MATN3: variants seen among roughly 807,000 people sequenced by gnomAD.
MATN3 encodes matrilin 3, also known as matrilin-3.
In MATN3, 48 loss-of-function variants were observed where a neutral mutation model predicts 45.3. That is an observed-to-expected ratio of 1.06 (90% CI 0.84 to 1.35). MATN3 has a LOEUF of 1.35. Ranked by LOEUF, MATN3 falls within the 40% of genes most tolerant of loss-of-function variation. The pLI, the probability that MATN3 is intolerant of heterozygous loss-of-function variation, is 0.00. For synonymous variants in MATN3, 217 were observed against 245.9 expected (o/e 0.88, Z 1.10); for missense variants, 599 against 628.0 (o/e 0.95, Z 0.49).
In MATN3 at chr2:20,012,057, C is replaced by G. The variant is rs1229220626; in HGVS notation, c.223+352G>C. Among the ~76,000 whole-genome samples the G allele has an allele frequency of 4.6e-5, 7 of 152,174 alleles. No individual in the cohort carries two copies. The highest frequency in any genetic ancestry group is 1.7e-4 in the African/African-American group (7 of 41,438). Reference sequence around the variant, plus strand: ...GGAGAGATTCCAAGAGAACTAACAGCAGAGTCTCAGGAAGGGTTTGCTCAC... The same window carrying G: ...GGAGAGATTCCAAGAGAACTAACAGGAGAGTCTCAGGAAGGGTTTGCTCAC... On this transcript the variant is annotated intron_variant, in intron 1 of 7. Transcript: ENST00000407540. The surrounding 1 kb of genome is among the most constrained non-coding windows in gnomAD (Gnocchi z 4.3).
chr2:20,009,510 A>C (rs1673176872), intron 1 of MATN3, among the ~76,000 whole-genome samples: 1 of 152,132 alleles, frequency 6.6e-6, no homozygotes, highest in South Asian at 2.1e-4. Flanking sequence ...GGAGAGCATT[A>C]GGACAAATAC....
Position 20,000,524 on chromosome 2 carries a change from A to G in MATN3, c.1085T>C (p.Ile362Thr), listed in dbSNP as rs774005769. 1.1e-5 allele frequency: 18 copies of G among 1,612,290 alleles called. No individual in the cohort carries two copies. The highest frequency in any genetic ancestry group is 1.6e-4 in the Middle Eastern group (1 of 6,080). Residue 362 changes from isoleucine (I) to threonine (T), a missense_variant, in exon 5 of 8, where the codon ATT (isoleucine) becomes ACT (threonine). Ile to Thr is a moderately conservative substitution (Grantham distance 89). Coordinates refer to ENST00000407540, the MANE Select transcript of MATN3 (RefSeq NM_002381.5). ...CALGTHGCQHICVNDRTGSHH... is the reference protein window; with the variant it reads ...CALGTHGCQHTCVNDRTGSHH... The stretch of plus-strand genomic sequence containing the variant: ...GGACCCTGTTCTGTCATTCACACAA[A>G]TGTGCTGACACCCATGGGTACCCAA...
In MATN3 at chr2:20,005,993, G is replaced by C. The variant is rs201329777; in HGVS notation, c.541C>G (p.Arg181Gly). Residue 181 changes from arginine (R) to glycine (G), a missense_variant, in exon 2 of 8, where the codon CGA becomes GGA. Arg to Gly is a moderately radical substitution (Grantham distance 125). Transcript: ENST00000407540. Reference sequence around the variant, plus strand: ...TTAGGGATGTTAGAAGAGGGCTCTCGAGCCCCTGCCTCCACTGTGAAGGCT... The same window carrying C: ...TTAGGGATGTTAGAAGAGGGCTCTCCAGCCCCTGCCTCCACTGTGAAGGCT... ...DEAFTVEAGA[R>G]EPSSNIPKVA... is the part of the protein sequence containing the mutation. 9.3e-6 allele frequency: 15 copies of C among 1,613,812 alleles called. No homozygotes were observed. The East Asian group carries it at 2.9e-4, about 31-fold the overall frequency.
chr2:20,011,919 G>A (rs1019475416), intron 1 of MATN3, among the ~76,000 whole-genome samples: 1 of 152,190 alleles, frequency 6.6e-6, no homozygotes, highest in Non-Finnish European at 1.5e-5. Flanking sequence ...GGTATCCTAC[G>A]GCTCCTCGGA....
chr2:20,008,116 C>A (rs1673147952), intron 1 of MATN3, among the ~76,000 whole-genome samples: 3 of 152,138 alleles, frequency 2.0e-5, no homozygotes, highest in Non-Finnish European at 4.4e-5. Context: ...GTGTGCGCCA[C>A]CACACCCAGC....
At chr2:20,011,148 G>A (rs1416556996) in intron 1 of MATN3, among the ~76,000 whole-genome samples, 1 of 152,202 alleles carries the variant, frequency 6.6e-6, no homozygotes, top group Non-Finnish European at 1.5e-5. Context: ...TTTATTAATG[G>A]GTTATCATTC....
At chr2:20,004,007 A>T (rs990400405) in intron 2 of MATN3, 2 of 152,144 alleles carry the variant, frequency 1.3e-5, no homozygotes, top group African/African-American at 2.4e-5. Context: ...CTCATTGGAT[A>T]TTTTTTTCCT....
intron 1 of MATN3, among the ~76,000 whole-genome samples, chr2:20,007,631 G>C (rs573950177): frequency 6.6e-6 from 1 of 152,196 alleles, no homozygotes; most frequent in Admixed American, 6.5e-5. Context: ...TTGTGATCTG[G>C]TATCTACCCT....
At chr2:20,010,090 A>AAAAAAAAAAAAAAAAAAT (rs1673191576) in intron 1 of MATN3, among the ~76,000 whole-genome samples, 1 of 143,594 alleles carries the variant, frequency 7.0e-6, no homozygotes, top group African/African-American at 2.5e-5. Flanking sequence ...AAAAAAAAAA[A>AAAAAAAAAAAAAAAAAAT]CCTCCAGAAT....
Position 20,003,345 on chromosome 2 carries a change from T to C in MATN3, c.791-59A>G, listed in dbSNP as rs552135116. 257 of 1,496,908 alleles carry C rather than the reference T, an allele frequency of 1.7e-4. No homozygotes were observed. The African/African-American group carries it at 3.2e-3, about 18-fold the overall frequency. 92.7% of individuals were successfully genotyped at this position (1,496,908 alleles called of 1,614,324 possible). On this transcript the variant is annotated intron_variant, in intron 2 of 7. Coordinates refer to ENST00000407540, the MANE Select transcript of MATN3 (RefSeq NM_002381.5). ...CACTTAGGAAACATCTCAGATACCG[T>C]CTCCCATGTCAATAGACATTGCTCT...
At position 20,002,007 on chromosome 2, in the gene MATN3, A is replaced by G; in HGVS notation, c.990T>C (p.His330=). ...ICVNDRSGSY[H]CECYEGYTLN... ...AGGTATAACCTTCATAGCACTCACA[A>G]TGATAAGAGCCACTTCTGTCATTCA... Residue 330 remains histidine (H), a synonymous_variant, in exon 4 of 8, where the codon CAT becomes CAC. Coordinates refer to ENST00000407540, the MANE Select transcript of MATN3 (RefSeq NM_002381.5). 1 of 1,613,554 alleles carries G rather than the reference A, an allele frequency of 6.2e-7. No individual in the cohort carries two copies. The highest frequency in any genetic ancestry group is 8.5e-7 in the Non-Finnish European group (1 of 1,179,564).
At position 19,995,268 on chromosome 2, in the gene MATN3, C is replaced by T. The variant is rs1572379891; in HGVS notation, c.1295-859G>A. Among the ~76,000 whole-genome samples the T allele has an allele frequency of 6.6e-6, 1 of 152,086 alleles. No homozygotes were observed. The highest frequency in any genetic ancestry group is 2.4e-5 in the African/African-American group (1 of 41,430). On this transcript the variant is annotated intron_variant, in intron 6 of 7. Transcript: ENST00000407540. This position sits in a 1 kb window ranked among gnomAD's most constrained non-coding sequence, Gnocchi z 4.2. Reference sequence around the variant, plus strand: ...AGGAGTTCAAGACCAGCCTGGACAACATAGTGAAACCCCGTCTCTAATAAA... The same window carrying T: ...AGGAGTTCAAGACCAGCCTGGACAATATAGTGAAACCCCGTCTCTAATAAA...
intron 5 of MATN3, chr2:19,999,254 C>A (rs948583786): frequency 2.6e-5 from 4 of 152,126 alleles, no homozygotes; most frequent in Admixed American, 6.5e-5. Context: ...ACACTTGTCA[C>A]TAGTTTGAGA....
chr2:20,010,394 C>T (rs2103486191), intron 1 of MATN3, among the ~76,000 whole-genome samples: 1 of 152,210 alleles, frequency 6.6e-6, no homozygotes, highest in Admixed American at 6.5e-5. Flanking sequence ...ATAATGTCCC[C>T]CGCCAAAGAC....
chr2:20,001,838 C>T, intron 4 of MATN3, 117 bp downstream of exon 4: 1 of 961,328 alleles, frequency 1.0e-6, no homozygotes, highest in Middle Eastern at 2.2e-4. Context: ...GGGAAAAGCT[C>T]AAGGTGGCAA....
At chr2:20,010,067 T>TAGAAAAAAAAAAAAAAAAAAAAA (rs1673188771) in intron 1 of MATN3, among the ~76,000 whole-genome samples, 2 of 68,706 alleles carry the variant, frequency 2.9e-5, no homozygotes, top group South Asian at 7.3e-4. Flanking sequence ...CTTCAAATAC[T>TAGAAAAAAAAAAAAAAAAAAAAA]AAAAAAAAAA....
intron 2 of MATN3, among the ~76,000 whole-genome samples, chr2:20,004,775 A>C (rs991104905): frequency 6.6e-6 from 1 of 152,242 alleles, no homozygotes; most frequent in African/African-American, 2.4e-5. Flanking sequence ...AGAGATCAAT[A>C]AATGCATGCT....
chr2:20,006,284 G>C lies in MATN3; in HGVS notation c.250C>G (p.Leu84Val). The C allele has an allele frequency of 3.2e-6, 5 of 1,582,174 alleles. No individual in the cohort carries two copies. The highest frequency in any genetic ancestry group is 2.3e-5 in the East Asian group (1 of 44,376). Reference sequence around the variant, plus strand: ...CGAGAACTATCAATGATAAACACCAGGTCCAAGGGTCTGCTCTTGCAAACA... The same window carrying C: ...CGAGAACTATCAATGATAAACACCACGTCCAAGGGTCTGCTCTTGCAAACA... Reference protein sequence around the residue: ...AGVCKSRPLDLVFIIDSSRSV... With the variant: ...AGVCKSRPLDVVFIIDSSRSV... The change falls in exon 2 of 8, where the codon CTG becomes GTG. Residue 84 changes from leucine to valine, a missense_variant. Leu to Val is a conservative substitution (Grantham distance 32, BLOSUM62 1). Transcript: ENST00000407540.
At chr2:20,007,957 A>G (rs913699328) in intron 1 of MATN3, among the ~76,000 whole-genome samples, 1 of 152,090 alleles carries the variant, frequency 6.6e-6, no homozygotes, top group Non-Finnish European at 1.5e-5. Context: ...AAAGCCAATT[A>G]TTAAACTTCT....
Sources: allele counts gnomAD v4.1 joint callset (sites outside exome capture counted in the v4.1 genomes callset), GRCh38; gene constraint gnomAD v4.1.1; non-coding constraint Gnocchi (gnomAD v3.1); transcripts MANE v1.5; gene names NCBI Gene and HGNC (gene_info 2026-07-23, HGNC 2026-07-21).